The following RFX3 variants were observed in gnomAD, a reference collection of about 807,000 sequenced individuals.
The protein encoded by RFX3 is transcription factor RFX3.
RFX3 carries 14 observed loss-of-function variants against 98.6 expected under a neutral mutation model. That is an observed-to-expected ratio of 0.14 (90% confidence interval 0.09 to 0.22). The LOEUF is 0.22. Ranked by LOEUF, RFX3 falls within the 10% of genes least tolerant of loss-of-function variation. RFX3 has a pLI of 1.00. For missense variants in RFX3, 639 were observed against 926.9 expected, an observed-to-expected ratio of 0.69 and a Z score of 4.03; for synonymous variants, 383 against 328.4, an observed-to-expected ratio of 1.17 and a Z score of -1.80.
chr9:3,382,491 C>G (rs1468309147), intron 2 of RFX3, among the ~76,000 whole-genome samples: 1 of 152,028 alleles, frequency 6.6e-6, no homozygotes, highest in Non-Finnish European at 1.5e-5. Flanking sequence ...GGATATATAT[C>G]CTACTAATTA....
chr9:3,492,797 T>C (rs2133531188), intron 1 of RFX3, among the ~76,000 whole-genome samples: 1 of 152,322 alleles, frequency 6.6e-6, no homozygotes, highest in Admixed American at 6.5e-5. Context: ...AGTGGTCATT[T>C]ATCTCATTAT....
intron 15 of RFX3, among the ~76,000 whole-genome samples, chr9:3,238,216 TA>T (rs1275083618): frequency 6.6e-6 from 1 of 152,122 alleles, no homozygotes; most frequent in African/African-American, 2.4e-5. Flanking sequence ...TAAAATGAAA[TA>T]AATGCCTCTA....
At chr9:3,296,521 C>A (rs934997323) in intron 5 of RFX3, among the ~76,000 whole-genome samples, 4 of 151,694 alleles carry the variant, frequency 2.6e-5, no homozygotes, top group Non-Finnish European at 5.9e-5. Context: ...TAAACTAGTT[C>A]AAAAAATCAG....
At chr9:3,305,166 G>C (rs954791680) in intron 4 of RFX3, among the ~76,000 whole-genome samples, 1 of 151,982 alleles carries the variant, frequency 6.6e-6, no homozygotes, top group Non-Finnish European at 1.5e-5. Flanking sequence ...TTGGGAAATG[G>C]CAAGAAACCT....
At chr9:3,504,942 A>C (rs1419599246) in intron 1 of RFX3, among the ~76,000 whole-genome samples, 1,284 of 61,872 alleles carry the variant, frequency 0.021, 105 homozygotes, top group African/African-American at 0.1. Context: ...TATAATATAT[A>C]TAATATAATA....
intron 1 of RFX3, chr9:3,524,723 G>A (rs1209201880): frequency 1.8e-5 from 10 of 556,168 alleles, no homozygotes; most frequent in East Asian, 1.5e-4. Flanking sequence ...AAAGTGAAAC[G>A]GAACCTCACT....
intron 1 of RFX3, among the ~76,000 whole-genome samples, chr9:3,396,204 C>T (rs7852529): frequency 0.16 from 23,556 of 151,732 alleles, 2,187 homozygotes; most frequent in East Asian, 0.43. Context: ...CTCCACCCCA[C>T]AACAGGCCCC....
chr9:3,284,627 A>G (rs1308564914), intron 7 of RFX3, among the ~76,000 whole-genome samples: 1 of 151,702 alleles, frequency 6.6e-6, no homozygotes, highest in Admixed American at 6.6e-5. Context: ...TGAAATATTT[A>G]CTGGAGTGCC....
chr9:3,436,669 C>T (rs1845153395), intron 1 of RFX3, among the ~76,000 whole-genome samples: 1 of 152,032 alleles, frequency 6.6e-6, no homozygotes, highest in Non-Finnish European at 1.5e-5. Flanking sequence ...CAATCCTTCG[C>T]ATGAACTAAT....
chr9:3,395,735 T>G, intron 1 of RFX3, 139 bp from the exon 2 acceptor site: 1 of 809,930 alleles, frequency 1.2e-6, no homozygotes, highest in Non-Finnish European at 1.9e-6. Context: ...ACCATGACAG[T>G]CCGTGCATGT....
Position 3,395,572 on chromosome 9 carries a change from G to C in RFX3, c.17C>G (p.Thr6Ser). The change falls in exon 2 of 17, where the codon ACT becomes AGT. Residue 6 changes from threonine (T) to serine (S), a missense_variant. By Grantham distance (58) the Thr-to-Ser change is moderately conservative (BLOSUM62 1). Transcript: ENST00000617270. MQTSE[T>S]GSDTGSTVTL... ...CACTGTCGAGCCTGTGTCCGACCCA[G>C]TCTCTGATGTCTGCATGATGGTCTC... 1 of 1,614,060 alleles carries C rather than the reference G, an allele frequency of 6.2e-7. No individual in the cohort carries two copies. The highest frequency in any genetic ancestry group is 8.5e-7 in the Non-Finnish European group (1 of 1,179,952).
intron 4 of RFX3, among the ~76,000 whole-genome samples, chr9:3,326,686 T>C (rs1225838840): frequency 6.6e-6 from 1 of 152,170 alleles, no homozygotes; most frequent in African/African-American, 2.4e-5. Context: ...TACGGGTGCA[T>C]AGTATTCCAT....
At chr9:3,400,673 A>C (rs987306790) in intron 1 of RFX3, among the ~76,000 whole-genome samples, 3 of 152,196 alleles carry the variant, frequency 2.0e-5, no homozygotes, top group African/African-American at 7.2e-5. Context: ...ATGACATTAG[A>C]GGGTATCAAT....
chr9:3,314,611 C>T (rs906271662), intron 4 of RFX3, among the ~76,000 whole-genome samples: 5 of 152,068 alleles, frequency 3.3e-5, no homozygotes. Flanking sequence ...CATCAGCGTG[C>T]TGTATTCAGG....
At chr9:3,246,139 T>C (rs185298114) in intron 15 of RFX3, among the ~76,000 whole-genome samples, 3 of 152,260 alleles carry the variant, frequency 2.0e-5, no homozygotes, top group Admixed American at 2.0e-4. Context: ...TGGATGAGCA[T>C]AGGCAGGTCA....
At chr9:3,452,410 C>A (rs1345305390) in intron 1 of RFX3, 1 of 287,364 alleles carries the variant, frequency 3.5e-6, no homozygotes, top group Non-Finnish European at 7.5e-6. Flanking sequence ...GGGCAACATA[C>A]GGAGACACCA....
intron 7 of RFX3, among the ~76,000 whole-genome samples, chr9:3,287,437 G>T (rs181767377): frequency 1.3e-5 from 2 of 151,898 alleles, no homozygotes; most frequent in South Asian, 2.1e-4. Flanking sequence ...GGACTAGAAG[G>T]CCCTTAGCTA....
At chr9:3,408,316 T>C (rs1333729553) in intron 1 of RFX3, among the ~76,000 whole-genome samples, 8 of 152,242 alleles carry the variant, frequency 5.3e-5, no homozygotes, top group East Asian at 3.9e-4. Flanking sequence ...TAAAGCCCCA[T>C]AGCAATCCCA....
chr9:3,459,140 A>G (rs1352415436), intron 1 of RFX3, among the ~76,000 whole-genome samples: 1 of 152,126 alleles, frequency 6.6e-6, no homozygotes, highest in Non-Finnish European at 1.5e-5. Flanking sequence ...CACTTGAGAG[A>G]TGAATCTTGC....
Sources: gnomAD v4.1 joint callset for allele counts (sites outside exome capture counted in the v4.1 genomes callset) on GRCh38, gnomAD v4.1.1 for gene constraint, MANE v1.5 for transcripts, NCBI Gene and HGNC (gene_info 2026-07-23, HGNC 2026-07-21) for gene names.